Variants in GTF2H3 observed in about 807,000 individuals in gnomAD.
GTF2H3 encodes the protein general transcription factor IIH subunit 3.
GTF2H3 carries 42 observed loss-of-function variants against 51.1 expected under a neutral mutation model. The ratio of observed to expected loss-of-function variants is 0.82; its 90% CI spans 0.64 to 1.06. The LOEUF is 1.06. Ranked by LOEUF, GTF2H3 falls within the 50% of genes least tolerant of loss-of-function variation. GTF2H3 has a pLI of 0.00. For synonymous variants in GTF2H3, 123 were observed against 123.8 expected (o/e 0.99, Z 0.04); for missense variants, 326 against 366.1 (o/e 0.89, Z 0.89).
intron 1 of GTF2H3, among the ~76,000 whole-genome samples, chr12:123,635,822 C>A (rs958089178): frequency 7.9e-5 from 12 of 152,274 alleles, no homozygotes; most frequent in Non-Finnish European, 1.8e-4. Context: ...GCACAACTAA[C>A]TGTAAAATAA....
chr12:123,644,318 G>A (rs1369541195), intron 2 of GTF2H3, among the ~76,000 whole-genome samples: 1 of 152,056 alleles, frequency 6.6e-6, no homozygotes, highest in Non-Finnish European at 1.5e-5. Context: ...ATTAGTTCTT[G>A]TGGGAAGGTG....
At chr12:123,651,287 T>C in intron 5 of GTF2H3, 1 of 341,620 alleles carries the variant, frequency 2.9e-6, no homozygotes, top group Non-Finnish European at 5.5e-6. Context: ...CTCGGCTCAC[T>C]GCAACCTTCG....
At chr12:123,650,912 A>G in intron 4 of GTF2H3, 82 bp from the exon 5 acceptor site, 2 of 827,766 alleles carry the variant, frequency 2.4e-6, no homozygotes, top group Non-Finnish European at 4.2e-6. Flanking sequence ...GTGAAAGCAT[A>G]CTTAGTTCAA....
At chr12:123,653,473 A>G (rs752548440) in intron 7 of GTF2H3, among the ~76,000 whole-genome samples, 2 of 152,194 alleles carry the variant, frequency 1.3e-5, no homozygotes, top group South Asian at 2.1e-4. Context: ...CAACCTGGCT[A>G]ACATGGTGAA....
intron 10 of GTF2H3, 77 bp downstream of exon 10, chr12:123,659,661 A>G (rs1187146441): frequency 6.6e-7 from 1 of 1,514,550 alleles, no homozygotes; most frequent in African/African-American, 1.4e-5. Context: ...AATGGAAGCA[A>G]GATGGCTGGT....
rs574843932 is a variant in GTF2H3 at position 123,651,377 on chromosome 12, T to C, written c.427+321T>C. 3.9e-5 allele frequency among the ~76,000 whole-genome samples: 6 copies of C among 152,014 alleles called. No individual in the cohort carries two copies. In the East Asian group the frequency reaches 1.2e-3, roughly 30 times the overall value. On this transcript the variant is annotated intron_variant, in intron 5 of 12. Transcript: ENST00000543341. ...CACCCGCCATCACTCCCGGCTAATT[T>C]TTTTTGTATTTTTAGTAGAGATGTA...
In GTF2H3 at chr12:123,662,227, A is replaced by G. The variant is rs1056998361; in HGVS notation, c.*1992A>G. 1 of 152,044 alleles carries G rather than the reference A, an allele frequency of 6.6e-6. No individual in the cohort carries two copies. Among genetic ancestry groups the G allele is most frequent in the African/African-American group, 2.4e-5 (1 of 41,426 alleles). 9.4% of individuals were successfully genotyped at this position (152,044 alleles called of 1,614,324 possible). A position where few individuals can be genotyped will look rare whatever the true frequency, so the allele number is the denominator to read the frequency against. The stretch of plus-strand genomic sequence containing the variant: ...GAAGATTTTAATTTTCTCTTTATAC[A>G]AGCTGAGTCATATTTAAATAATTTG... On this transcript the variant is annotated 3_prime_UTR_variant, in exon 13 of 13. Transcript: ENST00000543341.
intron 1 of GTF2H3, among the ~76,000 whole-genome samples, chr12:123,637,618 T>A (rs1955303523): frequency 6.6e-6 from 1 of 151,480 alleles, no homozygotes; most frequent in Non-Finnish European, 1.5e-5. Context: ...TTCTCCTGCC[T>A]CAGCCTCCCG....
intron 9 of GTF2H3, among the ~76,000 whole-genome samples, chr12:123,657,927 A>G (rs963258857): frequency 6.6e-6 from 1 of 152,226 alleles, no homozygotes; most frequent in Non-Finnish European, 1.5e-5. Flanking sequence ...TTGTTGGGAA[A>G]AACTATTAAC....
intron 1 of GTF2H3, among the ~76,000 whole-genome samples, chr12:123,636,058 A>C (rs1161471093): frequency 6.6e-6 from 1 of 152,238 alleles, no homozygotes; most frequent in Non-Finnish European, 1.5e-5. Flanking sequence ...GATAATATTG[A>C]TTATGAGATG....
At chr12:123,658,071 T>G (rs1955608937) in intron 9 of GTF2H3, among the ~76,000 whole-genome samples, 1 of 152,198 alleles carries the variant, frequency 6.6e-6, no homozygotes, top group South Asian at 2.1e-4. Flanking sequence ...TTATTTTATT[T>G]TATTTTTAGA....
intron 8 of GTF2H3, among the ~76,000 whole-genome samples, chr12:123,655,203 C>G (rs768939411): frequency 6.6e-6 from 1 of 152,172 alleles, no homozygotes; most frequent in African/African-American, 2.4e-5. Context: ...ACAATATGCA[C>G]TCAACCACAG....
chr12:123,651,132 C>T (rs1955514813), intron 5 of GTF2H3, 76 bp downstream of exon 5: 1 of 1,052,214 alleles, frequency 9.5e-7, no homozygotes, highest in Admixed American at 1.8e-5. Flanking sequence ...TTTCTTAGGA[C>T]CTTGGGTGCC....
intron 9 of GTF2H3, among the ~76,000 whole-genome samples, chr12:123,657,226 A>G (rs1459415132): frequency 6.6e-6 from 1 of 152,084 alleles, no homozygotes; most frequent in Non-Finnish European, 1.5e-5. Flanking sequence ...AACCTAATAT[A>G]AATTAGAACC....
intron 2 of GTF2H3, chr12:123,639,814 A>C (rs749021130): frequency 1.3e-4 from 45 of 333,906 alleles, no homozygotes; most frequent in Admixed American, 2.5e-4. Context: ...TAATGATAGT[A>C]CAATTTTGAA....
intron 2 of GTF2H3, among the ~76,000 whole-genome samples, chr12:123,641,182 T>A (rs948423624): frequency 3.3e-5 from 5 of 151,740 alleles, no homozygotes; most frequent in African/African-American, 9.7e-5. Context: ...ATAAAAAAAT[T>A]ATCGAGAATG....
At chr12:123,633,921 G>C (rs370745202) in intron 1 of GTF2H3, 49 bp downstream of exon 1, 3 of 1,604,598 alleles carry the variant, frequency 1.9e-6, no homozygotes, top group African/African-American at 2.7e-5. Flanking sequence ...CGGCTGTCTC[G>C]GTCCGGCTAC....
chr12:123,635,290 G>C (rs936827738), intron 1 of GTF2H3, among the ~76,000 whole-genome samples: 5 of 152,108 alleles, frequency 3.3e-5, no homozygotes, highest in African/African-American at 2.4e-5. Context: ...AAAAAAAGTG[G>C]CTGGGCACAG....
At chr12:123,653,501 A>C (rs1955544943) in intron 7 of GTF2H3, among the ~76,000 whole-genome samples, 1 of 151,974 alleles carries the variant, frequency 6.6e-6, no homozygotes, top group South Asian at 2.1e-4. Flanking sequence ...CTCTAGTACA[A>C]ATACAAAAAA....
Sources: allele counts gnomAD v4.1 joint callset (sites outside exome capture counted in the v4.1 genomes callset), GRCh38; gene constraint gnomAD v4.1.1; transcripts MANE v1.5; gene names NCBI Gene and HGNC (gene_info 2026-07-23, HGNC 2026-07-21).